ANAPC10: variants seen among roughly 807,000 people sequenced by gnomAD.
The protein encoded by ANAPC10 is anaphase-promoting complex subunit 10.
In ANAPC10, 12 loss-of-function variants were observed where a neutral mutation model predicts 22.0. That is an observed-to-expected ratio of 0.55 (90% CI 0.35 to 0.88). ANAPC10 has a LOEUF of 0.88. Ranked by LOEUF, ANAPC10 falls within the 40% of genes least tolerant of loss-of-function variation. The pLI, the probability that ANAPC10 is intolerant of heterozygous loss-of-function variation, is 0.01. For missense variants in ANAPC10, 188 were observed against 220.9 expected (o/e 0.85, Z 0.94); for synonymous variants, 65 against 69.5 (o/e 0.94, Z 0.32).
At chr4:145,062,126 G>C (rs1198557928) in intron 4 of ANAPC10, among the ~76,000 whole-genome samples, 2 of 151,828 alleles carry the variant, frequency 1.3e-5, no homozygotes, top group African/African-American at 4.8e-5. Context: ...AAGAAGCACT[G>C]GGTGAATAGA....
intron 4 of ANAPC10, among the ~76,000 whole-genome samples, chr4:145,003,230 G>A (rs1021188878): frequency 6.6e-6 from 1 of 152,078 alleles, no homozygotes; most frequent in Non-Finnish European, 1.5e-5. Flanking sequence ...ATTCCATTAT[G>A]TGAAATTTGG....
intron 4 of ANAPC10, among the ~76,000 whole-genome samples, chr4:145,009,571 A>G (rs1733970016): frequency 6.6e-6 from 1 of 152,200 alleles, no homozygotes; most frequent in Non-Finnish European, 1.5e-5. Context: ...AGAAATGGGG[A>G]AAGGATTCCC....
chr4:145,065,336 CG>C (rs1212351328), intron 3 of ANAPC10, among the ~76,000 whole-genome samples: 1 of 151,798 alleles, frequency 6.6e-6, no homozygotes, highest in East Asian at 1.9e-4. Context: ...ATGTGTTCAA[CG>C]TCTAATAATC....
intron 3 of ANAPC10, among the ~76,000 whole-genome samples, chr4:145,080,113 C>CAAAAAAAAAA (rs70956824): frequency 7.5e-5 from 2 of 26,806 alleles, no homozygotes; most frequent in African/African-American, 1.8e-4. Context: ...GACTCTGTCT[C>CAAAAAAAAAA]AAAAAAAAAA....
intron 2 of ANAPC10, among the ~76,000 whole-genome samples, chr4:145,086,963 C>T (rs974329405): frequency 6.6e-6 from 1 of 151,870 alleles, no homozygotes; most frequent in South Asian, 2.1e-4. Flanking sequence ...TACGATTCTG[C>T]ACTCCAGTCA....
chr4:145,001,052 G>A (rs1452251124), intron 4 of ANAPC10, among the ~76,000 whole-genome samples: 1 of 152,090 alleles, frequency 6.6e-6, no homozygotes, highest in Non-Finnish European at 1.5e-5. Context: ...AGGGCAGGGG[G>A]AGGGATAGCA....
chr4:145,058,021 TG>T (rs1290229324), intron 4 of ANAPC10, among the ~76,000 whole-genome samples: 2 of 152,204 alleles, frequency 1.3e-5, no homozygotes, highest in African/African-American at 4.8e-5. Flanking sequence ...TAAGCTGTGT[TG>T]ATGTTTCCTC....
At chr4:145,065,699 G>C (rs1743573407) in intron 3 of ANAPC10, among the ~76,000 whole-genome samples, 1 of 151,758 alleles carries the variant, frequency 6.6e-6, no homozygotes, top group Non-Finnish European at 1.5e-5. Flanking sequence ...AACTGCTATA[G>C]AACTATTTAA....
intron 4 of ANAPC10, among the ~76,000 whole-genome samples, chr4:145,031,433 A>T (rs1389897309): frequency 6.6e-6 from 1 of 152,214 alleles, no homozygotes; most frequent in Non-Finnish European, 1.5e-5. Context: ...AAGGTGAAGG[A>T]TAAGTTGCTG....
At chr4:145,023,917 C>G (rs1345408569) in intron 4 of ANAPC10, among the ~76,000 whole-genome samples, 1 of 152,184 alleles carries the variant, frequency 6.6e-6, no homozygotes, top group Non-Finnish European at 1.5e-5. Context: ...TAGTATTTTA[C>G]TTAAGGCAAA....
rs1359354098 is a variant in ANAPC10, at chr4:145,039,860, C to T, written c.327+24712G>A. ...CTGCCTGCCATGACTTCCCAAAGTGCTGGAATTACAGGCGTAAGTCACTGT... is the reference window on the plus strand; with the variant it reads ...CTGCCTGCCATGACTTCCCAAAGTGTTGGAATTACAGGCGTAAGTCACTGT... On this transcript the variant is annotated intron_variant, in intron 4 of 4. Coordinates refer to ENST00000507656, the MANE Select transcript of ANAPC10 (RefSeq NM_001256706.2). Among the ~76,000 whole-genome samples, 5 of 152,208 alleles carry T rather than the reference C, an allele frequency of 3.3e-5. No homozygotes were observed. The South Asian group carries it at 1.0e-3, about 32-fold the overall frequency.
chr4:145,040,117 T>C (rs2127129975), intron 4 of ANAPC10, among the ~76,000 whole-genome samples: 1 of 113,212 alleles, frequency 8.8e-6, no homozygotes, highest in Non-Finnish European at 1.8e-5. Context: ...GCTTTTGTTT[T>C]AGTGTGTGTG....
intron 4 of ANAPC10, among the ~76,000 whole-genome samples, chr4:145,009,703 T>A (rs1733989324): frequency 6.6e-6 from 1 of 152,116 alleles, no homozygotes; most frequent in Non-Finnish European, 1.5e-5. Flanking sequence ...ATGTTAGACC[T>A]AAAACCATAA....
At position 145,026,957 on chromosome 4, in the gene ANAPC10, G is replaced by GTGTA. The variant is rs1343774253; in HGVS notation, c.328-31355_328-31354insTACA. Among the ~76,000 whole-genome samples, 110 of 18,342 alleles carry GTGTA rather than the reference G, an allele frequency of 6.0e-3. 3 individuals carry two copies. Among genetic ancestry groups the GTGTA allele is most frequent in the Non-Finnish European group, 6.6e-3 (80 of 12,060 alleles). 12.0% of individuals were successfully genotyped at this position (18,342 alleles called of 152,430 possible). On this transcript the variant is annotated intron_variant, in intron 4 of 4. Transcript: ENST00000507656. ...TATATATATATATATGTGTGTGTGT[G>GTGTA]TATATATATATATATATATATATAT...
chr4:145,005,485 T>A (rs749436030), intron 4 of ANAPC10, among the ~76,000 whole-genome samples: 2 of 152,182 alleles, frequency 1.3e-5, no homozygotes, highest in Non-Finnish European at 2.9e-5. Flanking sequence ...TTTTGGTTAC[T>A]TCTTGTATTC....
intron 4 of ANAPC10, among the ~76,000 whole-genome samples, chr4:145,000,360 G>GA (rs904171244): frequency 1.3e-4 from 20 of 150,166 alleles, no homozygotes; most frequent in Non-Finnish European, 1.5e-4. Flanking sequence ...AAATTTACAA[G>GA]AAAAAAAAAC....
chr4:145,033,933 G>GT (rs1431183677), intron 4 of ANAPC10, among the ~76,000 whole-genome samples: 1 of 152,144 alleles, frequency 6.6e-6, no homozygotes, highest in African/African-American at 2.4e-5. Flanking sequence ...ATCAAGTGAC[G>GT]TAAGATTTAC....
At chr4:145,076,931 G>A (rs1307206732) in intron 3 of ANAPC10, among the ~76,000 whole-genome samples, 3 of 152,192 alleles carry the variant, frequency 2.0e-5, no homozygotes, top group Admixed American at 2.0e-4. Context: ...CAGGCGTGGT[G>A]GCTCACACCT....
intron 4 of ANAPC10, among the ~76,000 whole-genome samples, chr4:145,019,091 CAAATGGACTTAACAGCTATATACAGAACA>C (rs1735628424): frequency 6.6e-6 from 1 of 152,130 alleles, no homozygotes; most frequent in Admixed American, 6.5e-5. Flanking sequence ...GACCTTGGAA[CAAATGGACTTAACAGCTATATACAGAACA>C]TTCCATCCAA....
Sources: gnomAD v4.1 joint callset for allele counts (sites outside exome capture counted in the v4.1 genomes callset) on GRCh38, gnomAD v4.1.1 for gene constraint, MANE v1.5 for transcripts, NCBI Gene and HGNC (gene_info 2026-07-23, HGNC 2026-07-21) for gene names.